CELSR1: variants seen among roughly 807,000 people sequenced by gnomAD.
The protein encoded by CELSR1 is adhesion G protein-coupled receptor C1.
Under a neutral mutation model 249.1 loss-of-function variants are expected in CELSR1, and 110 were observed. The ratio of observed to expected loss-of-function variants is 0.44; its 90% confidence interval spans 0.38 to 0.52. The LOEUF is 0.52. CELSR1 is among the 20% of genes least tolerant of loss of function. The pLI is 0.00. For synonymous variants in CELSR1, 2,113 were observed against 1,900.0 expected, an observed-to-expected ratio of 1.11 and a Z score of -2.92; for missense variants, 4,109 against 4,296.4, an observed-to-expected ratio of 0.96 and a Z score of 1.22.
rs1424253149 is a variant in CELSR1, at chr22:46,364,253, T to C, written c.8780-2A>G. The C allele has an allele frequency of 6.2e-7, 1 of 1,607,314 alleles. No individual in the cohort carries two copies. The highest frequency in any genetic ancestry group is 2.2e-5 in the East Asian group (1 of 44,858). ...AGGTGACTTTATTTTTCAAGATGCC[T>C]GGGAGGAGGAGACACGGCAAGGTCA... is the stretch of plus-strand genomic sequence containing the variant. On this transcript the variant is annotated splice_acceptor_variant, in intron 33 of 34. Transcript: ENST00000674500. LOFTEE classifies it high-confidence loss of function.
chr22:46,417,889 G>A lies in CELSR1; in HGVS notation c.4612-6130C>T, dbSNP rs945252515. On this transcript the variant is annotated intron_variant, in intron 5 of 34. Transcript: ENST00000674500. This position sits in a 1 kb window ranked among gnomAD's most constrained non-coding sequence, Gnocchi z 4.1. ...AGCTGGGCGGGCCCAAGGCCGGCGGGGGGCTCACAGGACAGCAGTGTCCAC... is the reference window on the plus strand; with the variant it reads ...AGCTGGGCGGGCCCAAGGCCGGCGGAGGGCTCACAGGACAGCAGTGTCCAC... Among the ~76,000 whole-genome samples the A allele has an allele frequency of 6.6e-6, 1 of 152,216 alleles. No individual in the cohort carries two copies. Among genetic ancestry groups the A allele is most frequent in the African/African-American group, 2.4e-5 (1 of 41,456 alleles).
At position 46,463,868 on chromosome 22, in the gene CELSR1, A is replaced by G; in HGVS notation, c.4022T>C (p.Ile1341Thr). 1.2e-6 allele frequency: 2 copies of G among 1,612,884 alleles called. No individual in the cohort carries two copies. The highest frequency in any genetic ancestry group is 1.7e-6 in the Non-Finnish European group (2 of 1,179,442). ...GCAGCGCAGGCCGTTGATGGGGTGG[A>G]TGGGCCGGAAGAGCACGGTGGTGGA... Reference protein sequence around the residue: ...LSSTTVLFRPIHPINGLRCRC... With the variant: ...LSSTTVLFRPTHPINGLRCRC... The change falls in exon 2 of 35, where the codon ATC becomes ACC. Residue 1341 changes from isoleucine (I) to threonine (T), a missense_variant. By Grantham distance (89) the Ile-to-Thr change is moderately conservative (BLOSUM62 -1). Transcript: ENST00000674500.
intron 1 of CELSR1, among the ~76,000 whole-genome samples, chr22:46,511,073 C>T (rs2080568278): frequency 6.6e-6 from 1 of 152,064 alleles, no homozygotes; most frequent in Non-Finnish European, 1.5e-5. Context: ...GAGATCGTGT[C>T]ATCGCACTCC....
chr22:46,405,556 A>T (rs1232834599), intron 9 of CELSR1, among the ~76,000 whole-genome samples: 6 of 152,192 alleles, frequency 3.9e-5, no homozygotes, highest in African/African-American at 1.4e-4. Flanking sequence ...AAGTGATGTT[A>T]TATCTACAAA....
Position 46,431,120 on chromosome 22 carries a change from C to T in CELSR1, c.4611+2273G>A, listed in dbSNP as rs574860478. On this transcript the variant is annotated intron_variant, in intron 5 of 34. Transcript: ENST00000674500. The stretch of plus-strand genomic sequence containing the variant: ...CCCTAGACACGGAAGCCATGGATCC[C>T]GGTAATCCACCGTCCTCTGTGTATC... Among the ~76,000 whole-genome samples, 27 of 152,336 alleles carry T rather than the reference C, an allele frequency of 1.8e-4. 1 individual carries two copies. The South Asian group carries it at 4.4e-3, about 25-fold the overall frequency.
rs1413994819 is a variant in CELSR1 at position 46,417,262 on chromosome 22, A to G, written c.4612-5503T>C. ...GGAGGCAGCCACTGCAGTTCTCCGA[A>G]GCTGCTTGGGAAAGTGGTGGGAAGG... On this transcript the variant is annotated intron_variant, in intron 5 of 34. Transcript: ENST00000674500. The surrounding 1 kb of genome is among the most constrained non-coding windows in gnomAD (Gnocchi z 4.1). Among the ~76,000 whole-genome samples, 2 of 152,216 alleles carry G rather than the reference A, an allele frequency of 1.3e-5. No individual in the cohort carries two copies. The highest frequency in any genetic ancestry group is 2.9e-5 in the Non-Finnish European group (2 of 68,036).
chr22:46,430,329 G>A lies in CELSR1; in HGVS notation c.4611+3064C>T, dbSNP rs577053125. On this transcript the variant is annotated intron_variant, in intron 5 of 34. Coordinates refer to ENST00000674500, the MANE Select transcript of CELSR1 (RefSeq NM_001378328.1). The surrounding 1 kb of genome is among the most constrained non-coding windows in gnomAD (Gnocchi z 4.6). ...CAAAAATGCAAAAACCAAAACCAGC[G>A]AGGTGGTGTGGCAGGTAAATGGAGC... Among the ~76,000 whole-genome samples, 3 of 152,318 alleles carry A rather than the reference G, an allele frequency of 2.0e-5. No homozygotes were observed. Among genetic ancestry groups the A allele is most frequent in the South Asian group, 4.1e-4 (2 of 4,832 alleles).
At chr22:46,458,642 A>C (rs2079984324) in intron 2 of CELSR1, among the ~76,000 whole-genome samples, 1 of 152,158 alleles carries the variant, frequency 6.6e-6, no homozygotes, top group East Asian at 1.9e-4. Flanking sequence ...ACCAGAGGGA[A>C]GAGGCTGGAG....
chr22:46,489,454 C>A (rs2080346864), intron 1 of CELSR1, among the ~76,000 whole-genome samples: 1 of 151,912 alleles, frequency 6.6e-6, no homozygotes, highest in South Asian at 2.1e-4. Context: ...CCCCAAACCT[C>A]TCCTGGCGCC....
At chr22:46,386,743 T>A (rs1267355813) in intron 18 of CELSR1, among the ~76,000 whole-genome samples, 158 bp from the exon 19 acceptor site, 1 of 143,426 alleles carries the variant, frequency 7.0e-6, no homozygotes, top group Non-Finnish European at 1.5e-5. Context: ...TTGTTTTTTG[T>A]TTTTTGTTGT....
rs2079163568 is a variant in CELSR1, at chr22:46,397,627, A to AT, written c.5701+46dup. On this transcript the variant is annotated intron_variant, in intron 12 of 34. Coordinates refer to ENST00000674500, the MANE Select transcript of CELSR1 (RefSeq NM_001378328.1). ...TGAGCCCCCCTCCTGTGTTTCAGCC[A>AT]TAAGAGACCTCCCTGTCACTGAAGG... 4 of 1,399,864 alleles carry AT rather than the reference A, an allele frequency of 2.9e-6. No homozygotes were observed. The African/African-American group carries it at 5.9e-5, about 21-fold the overall frequency. The allele number at this position is 1,399,864 out of a possible 1,614,324, so 86.7% of individuals were successfully genotyped here.
intron 5 of CELSR1, among the ~76,000 whole-genome samples, chr22:46,415,794 G>C (rs1320032799): frequency 6.6e-6 from 1 of 152,160 alleles, no homozygotes; most frequent in Non-Finnish European, 1.5e-5. Context: ...CGCAGTCAGA[G>C]AGGTGAACAT....
chr22:46,536,190 G>A lies in CELSR1; in HGVS notation c.981C>T (p.Asp327=). ...TGGCCGAGCGCGGCGGCGTACTGTA[G>A]TCCACGGCTTTCACCCTGAGGACGT... The part of the protein sequence containing the change: ...ETHVLRVKAV[D]YSTPPRSATT... Residue 327 remains aspartate, a synonymous_variant, in exon 1 of 35, where the codon GAC becomes GAT. Transcript: ENST00000674500. 1 of 1,612,898 alleles carries A rather than the reference G, an allele frequency of 6.2e-7. No homozygotes were observed. The highest frequency in any genetic ancestry group is 2.2e-5 in the East Asian group (1 of 44,872).
Position 46,534,912 on chromosome 22 carries a change from C to T in CELSR1, c.2259G>A (p.Lys753=), listed in dbSNP as rs780665684. The T allele has an allele frequency of 6.2e-7, 1 of 1,612,562 alleles. No homozygotes were observed. Among genetic ancestry groups the T allele is most frequent in the South Asian group, 1.1e-5 (1 of 91,082 alleles). Reference sequence around the variant, plus strand: ...CCGCCAGCACGTACTGCTGCTCCTGCTTGTAGTCCAGAGGTAGCGCCAGGG... The same window carrying T: ...CCGCCAGCACGTACTGCTGCTCCTGTTTGTAGTCCAGAGGTAGCGCCAGGG... ...LITLALPLDY[K]QEQQYVLAVT... Residue 753 remains lysine (K), a synonymous_variant, in exon 1 of 35, where the codon AAG becomes AAA. Transcript: ENST00000674500. This position sits in a 1 kb window ranked among gnomAD's most constrained non-coding sequence, Gnocchi z 9.7.
Position 46,434,494 on chromosome 22 carries a change from C to T in CELSR1, c.4523-1013G>A, listed in dbSNP as rs1367465507. ...TAGCCTAATCCCACCTCACAGAGCC[C>T]GGAGGGCTATGGCCACCTCTCCCAT... On this transcript the variant is annotated intron_variant, in intron 4 of 34. Coordinates refer to ENST00000674500, the MANE Select transcript of CELSR1 (RefSeq NM_001378328.1). This position sits in a 1 kb window ranked among gnomAD's most constrained non-coding sequence, Gnocchi z 4.9. 1.3e-5 allele frequency among the ~76,000 whole-genome samples: 2 copies of T among 152,214 alleles called. No homozygotes were observed. Among genetic ancestry groups the T allele is most frequent in the African/African-American group, 4.8e-5 (2 of 41,446 alleles).
At chr22:46,366,561 C>A in intron 29 of CELSR1, 81 bp from the exon 30 acceptor site, 1 of 1,153,834 alleles carries the variant, frequency 8.7e-7, no homozygotes. Context: ...GTCCCCACGG[C>A]AAGCCCCCCA....
chr22:46,409,530 C>A lies in CELSR1; in HGVS notation c.5059+225G>T, dbSNP rs979333038. Among the ~76,000 whole-genome samples the A allele has an allele frequency of 6.6e-6, 1 of 152,142 alleles. No homozygotes were observed. The highest frequency in any genetic ancestry group is 2.4e-5 in the African/African-American group (1 of 41,420). ...GGCTCTGCCGGCCCAGCCTACCTGT[C>A]CCACCCCACACCTGAGGGACTGGGG... On this transcript the variant is annotated intron_variant, in intron 8 of 34. Transcript: ENST00000674500. The surrounding 1 kb of genome is among the most constrained non-coding windows in gnomAD (Gnocchi z 9.8).
intron 1 of CELSR1, among the ~76,000 whole-genome samples, chr22:46,516,370 C>T (rs899308024): frequency 2.8e-4 from 42 of 152,240 alleles, no homozygotes; most frequent in African/African-American, 9.9e-4. Context: ...AAAAACCAAA[C>T]ACCGCATGTT....
chr22:46,449,334 CA>C (rs2079855714), intron 2 of CELSR1, among the ~76,000 whole-genome samples: 3 of 148,246 alleles, frequency 2.0e-5, no homozygotes, highest in Admixed American at 6.7e-5. Context: ...TCCATCCAAC[CA>C]CATCACACAT....
Sources: gnomAD v4.1 joint callset for allele counts (sites outside exome capture counted in the v4.1 genomes callset) on GRCh38, gnomAD v4.1.1 for gene constraint, Gnocchi (gnomAD v3.1) non-coding constraint, MANE v1.5 for transcripts, NCBI Gene and HGNC (gene_info 2026-07-23, HGNC 2026-07-21) for gene names.